The following XKR4 variants were observed in gnomAD, a reference collection of about 807,000 sequenced individuals.
The protein encoded by XKR4 is XK-related protein 4.
Under a neutral mutation model 53.9 loss-of-function variants are expected in XKR4, and 12 were observed. That is an observed-to-expected ratio of 0.22 (90% CI 0.14 to 0.36). The LOEUF (loss-of-function observed/expected upper bound fraction) is 0.36, where lower values mean the gene tolerates loss of function less well. XKR4 is among the 10% of genes least tolerant of loss of function. The pLI is 1.00. For missense variants in XKR4, 799 were observed against 859.5 expected (o/e 0.93, Z 0.88); for synonymous variants, 354 against 362.4 (o/e 0.98, Z 0.26).
chr8:55,513,883 T>C (rs563316552), intron 2 of XKR4, among the ~76,000 whole-genome samples: 69 of 152,344 alleles, frequency 4.5e-4, no homozygotes, highest in African/African-American at 1.5e-3. Context: ...CCTGCTTCTG[T>C]TACATGTTAG....
chr8:55,299,471 G>A (rs1819148615), intron 1 of XKR4, among the ~76,000 whole-genome samples: 1 of 152,120 alleles, frequency 6.6e-6, no homozygotes, highest in Non-Finnish European at 1.5e-5. Flanking sequence ...AAAGCATTGG[G>A]GATCACTGGG....
intron 1 of XKR4, among the ~76,000 whole-genome samples, chr8:55,207,038 G>C (rs961698459): frequency 6.6e-6 from 1 of 152,210 alleles, no homozygotes; most frequent in African/African-American, 2.4e-5. Flanking sequence ...ACTAGCAATA[G>C]AGGCTTGGAA....
chr8:55,353,316 G>A (rs1030738399), intron 1 of XKR4, among the ~76,000 whole-genome samples: 5 of 152,170 alleles, frequency 3.3e-5, no homozygotes, highest in African/African-American at 4.8e-5. Context: ...GTATGACTGT[G>A]TAGTTATATA....
At chr8:55,127,240 CT>C (rs56093804) in intron 1 of XKR4, among the ~76,000 whole-genome samples, 3,652 of 143,470 alleles carry the variant, frequency 0.025, 60 homozygotes, top group Middle Eastern at 0.049. Context: ...GTGCCTAACT[CT>C]TTTTTTTTTT....
chr8:55,236,465 A>T (rs1585958012), intron 1 of XKR4, among the ~76,000 whole-genome samples: 1 of 152,248 alleles, frequency 6.6e-6, no homozygotes, highest in East Asian at 1.9e-4. Context: ...GTGTGAAGGG[A>T]ATCACCTGTG....
chr8:55,180,031 G>A (rs1817285870), intron 1 of XKR4, among the ~76,000 whole-genome samples: 1 of 152,128 alleles, frequency 6.6e-6, no homozygotes, highest in South Asian at 2.1e-4. Flanking sequence ...TAAACACAAT[G>A]TTATTATAAT....
At chr8:55,346,144 G>A (rs1049744182) in intron 1 of XKR4, among the ~76,000 whole-genome samples, 4 of 149,946 alleles carry the variant, frequency 2.7e-5, no homozygotes, top group African/African-American at 9.9e-5. Context: ...GGAGTGCAGT[G>A]GCACAATCTT....
intron 2 of XKR4, among the ~76,000 whole-genome samples, chr8:55,393,548 C>T (rs946550693): frequency 6.6e-6 from 1 of 152,108 alleles, no homozygotes; most frequent in East Asian, 1.9e-4. Flanking sequence ...ATTATACTAA[C>T]CTTTCTGCTT....
At chr8:55,477,299 C>G (rs1192979780) in intron 2 of XKR4, among the ~76,000 whole-genome samples, 1 of 152,172 alleles carries the variant, frequency 6.6e-6, no homozygotes, top group African/African-American at 2.4e-5. Context: ...CAAACAGGGT[C>G]TGGAGTGGAC....
At chr8:55,328,439 T>G (rs1272773592) in intron 1 of XKR4, among the ~76,000 whole-genome samples, 33 of 152,220 alleles carry the variant, frequency 2.2e-4, no homozygotes, top group Admixed American at 2.2e-3. Context: ...TGTCTTGAGA[T>G]GCATCTCCTC....
At chr8:55,176,645 G>C (rs936712358) in intron 1 of XKR4, among the ~76,000 whole-genome samples, 3 of 152,118 alleles carry the variant, frequency 2.0e-5, no homozygotes, top group African/African-American at 7.2e-5. Context: ...TGTGGACAGG[G>C]TTCTGACTTC....
At chr8:55,231,308 AAC>A (rs775255809) in intron 1 of XKR4, among the ~76,000 whole-genome samples, 6 of 152,220 alleles carry the variant, frequency 3.9e-5, no homozygotes, top group Non-Finnish European at 8.8e-5. Context: ...GACATCAGGG[AAC>A]ACCCTGAGTA....
Position 55,224,334 on chromosome 8 carries a change from G to A in XKR4, c.806+121040G>A, listed in dbSNP as rs74931535. On this transcript the variant is annotated intron_variant, in intron 1 of 2. Transcript: ENST00000327381. Reference sequence around the variant, plus strand: ...ATTGTCAAACAATATAGATAATTGCGGTTGTGTCTTGAAAGGAAGTTTACC... The same window carrying A: ...ATTGTCAAACAATATAGATAATTGCAGTTGTGTCTTGAAAGGAAGTTTACC... Among the ~76,000 whole-genome samples, 703 of 152,114 alleles carry A rather than the reference G, an allele frequency of 4.6e-3. 6 individuals carry two copies. The highest frequency in any genetic ancestry group is 0.016 in the African/African-American group (655 of 41,500).
intron 2 of XKR4, chr8:55,451,375 G>C (rs1805440127): frequency 1.4e-6 from 1 of 730,808 alleles, no homozygotes; most frequent in South Asian, 1.7e-5. Flanking sequence ...CACGTGGGCT[G>C]AGGAGAAGCC....
Position 55,533,198 on chromosome 8 carries a change from T to G in XKR4, c.*8971T>G, listed in dbSNP as rs1224141836. The G allele has an allele frequency of 6.6e-6, 1 of 152,182 alleles. No individual in the cohort carries two copies. Among genetic ancestry groups the G allele is most frequent in the African/African-American group, 2.4e-5 (1 of 41,444 alleles). 9.4% of individuals were successfully genotyped at this position (152,182 alleles called of 1,614,324 possible). A position where few individuals can be genotyped will look rare whatever the true frequency, so the allele number is the denominator to read the frequency against. On this transcript the variant is annotated 3_prime_UTR_variant, in exon 3 of 3. Coordinates refer to ENST00000327381, the MANE Select transcript of XKR4 (RefSeq NM_052898.2). ...GCATTGCCATTGTGAGTCTAGAAAA[T>G]GAGCACTTTGTGTGTTGAGCGCTGT...
intron 2 of XKR4, among the ~76,000 whole-genome samples, chr8:55,370,929 A>G (rs576789789): frequency 1.3e-5 from 2 of 152,010 alleles, no homozygotes; most frequent in African/African-American, 4.8e-5. Flanking sequence ...ACAAAGCCCT[A>G]TGCTAGGCAA....
chr8:55,211,779 T>C (rs576637992), intron 1 of XKR4, among the ~76,000 whole-genome samples: 1 of 152,334 alleles, frequency 6.6e-6, no homozygotes, highest in Admixed American at 6.5e-5. Flanking sequence ...GTCTTTGTCA[T>C]TGAAAAAGAG....
intron 1 of XKR4, among the ~76,000 whole-genome samples, chr8:55,243,693 A>T (rs1818242359): frequency 6.6e-6 from 1 of 152,216 alleles, no homozygotes; most frequent in African/African-American, 2.4e-5. Context: ...CCAGCAATAA[A>T]TGAGAGTTCC....
chr8:55,372,877 A>C (rs1804087500), intron 2 of XKR4, among the ~76,000 whole-genome samples: 1 of 152,136 alleles, frequency 6.6e-6, no homozygotes, highest in South Asian at 2.1e-4. Flanking sequence ...AGGAGGGTAT[A>C]TGTGTGGAAT....
Sources: allele counts gnomAD v4.1 joint callset (sites outside exome capture counted in the v4.1 genomes callset), GRCh38; gene constraint gnomAD v4.1.1; transcripts MANE v1.5; gene names NCBI Gene and HGNC (gene_info 2026-07-23, HGNC 2026-07-21).